PHKA2: variants seen among roughly 807,000 people sequenced by gnomAD.
PHKA2 encodes phosphorylase b kinase regulatory subunit alpha, liver isoform.
In PHKA2, 31 loss-of-function variants were observed where a neutral mutation model predicts 102.0. That is an observed-to-expected ratio of 0.30 (90% CI 0.23 to 0.41). The LOEUF is 0.41. PHKA2 is among the 10% of genes least tolerant of loss of function. The probability of loss-of-function intolerance (pLI) is 1.00; values close to 1 mark genes in which losing one functional copy is unlikely to be tolerated. For missense variants in PHKA2, 858 were observed against 1,023.1 expected, an observed-to-expected ratio of 0.84 and a Z score of 2.20; for synonymous variants, 455 against 416.2, an observed-to-expected ratio of 1.09 and a Z score of -1.13.
rs1224664060 is a variant in PHKA2 at position 18,936,332 on chromosome X, G to C, written c.1042-182C>G. Among the ~76,000 whole-genome samples, 3 of 111,965 alleles carry C rather than the reference G, an allele frequency of 2.7e-5. No individual in the cohort carries two copies. In the East Asian group the frequency reaches 8.4e-4, roughly 32 times the overall value. On this transcript the variant is annotated intron_variant, in intron 10 of 32. Transcript: ENST00000379942. ...AGGCACACTTACAGTGTTAGGAGGA[G>C]CTAAACACGATCGGCTATTCCTCTC...
chrX:18,895,321 G>A lies in PHKA2; in HGVS notation c.3283-130C>T, dbSNP rs1219690643. 5.2e-6 allele frequency: 3 copies of A among 580,996 alleles called. No homozygotes were observed. The African/African-American group carries it at 6.6e-5, about 13-fold the overall frequency. 47.9% of individuals were successfully genotyped at this position (580,996 alleles called of 1,213,427 possible). A position where few individuals can be genotyped will look rare whatever the true frequency, so the allele number is the denominator to read the frequency against. ...CCCATATGAGGGCTGGGACACGCCA[G>A]ACTGTCAGAGTTATTTTTAGAGAGC... On this transcript the variant is annotated intron_variant, in intron 30 of 32. Coordinates refer to ENST00000379942, the MANE Select transcript of PHKA2 (RefSeq NM_000292.3).
At chrX:18,929,178 T>C (rs757568394) in intron 13 of PHKA2, 50 bp downstream of exon 13, 11 of 848,507 alleles carry the variant, frequency 1.3e-5, no homozygotes, top group Non-Finnish European at 1.9e-5. Flanking sequence ...TGAATTAAAA[T>C]AACATTGGTT....
rs2047874759 is a variant in PHKA2, at chrX:18,908,942, T to C, written c.2227-8A>G. On this transcript the variant is annotated splice_region_variant and splice_polypyrimidine_tract_variant and intron_variant, in intron 20 of 32. Coordinates refer to ENST00000379942, the MANE Select transcript of PHKA2 (RefSeq NM_000292.3). ...AAAGTCACTTTCAGGAACCTGTTCATACAAGAGCCAGAAAGCAGGGAGATG... is the reference window on the plus strand; with the variant it reads ...AAAGTCACTTTCAGGAACCTGTTCACACAAGAGCCAGAAAGCAGGGAGATG... 8.3e-7 allele frequency: 1 copy of C among 1,209,080 alleles called. No homozygotes were observed. Among genetic ancestry groups the C allele is most frequent in the Non-Finnish European group, 1.1e-6 (1 of 894,502 alleles).
At chrX:18,935,973 G>A in intron 11 of PHKA2, 82 bp downstream of exon 11, 1 of 659,424 alleles carries the variant, frequency 1.5e-6, no homozygotes, top group South Asian at 2.3e-5. Context: ...TCGAAAAAGG[G>A]GATAAAGAAT....
At chrX:18,918,980 A>G in intron 18 of PHKA2, 126 bp from the exon 19 acceptor site, 1 of 564,144 alleles carries the variant, frequency 1.8e-6, no homozygotes, top group East Asian at 3.4e-5. Context: ...TGAGATATCG[A>G]TATTTGCACT....
intron 32 of PHKA2, 23 bp downstream of exon 32, chrX:18,894,181 A>T (rs768605257): frequency 8.4e-7 from 1 of 1,192,297 alleles, no homozygotes; most frequent in Non-Finnish European, 1.1e-6. Context: ...ATGCCAGCCA[A>T]CCCAGCTCCC....
chrX:18,893,783 G>T, intron 32 of PHKA2, 128 bp from the exon 33 acceptor site: 1 of 626,260 alleles, frequency 1.6e-6, no homozygotes, highest in Non-Finnish European at 2.6e-6. Flanking sequence ...TTGGCCTTCT[G>T]AGAGGCTCCA....
intron 1 of PHKA2, among the ~76,000 whole-genome samples, chrX:18,958,042 T>C (rs1327917633): frequency 6.3e-5 from 7 of 110,634 alleles, no homozygotes; most frequent in African/African-American, 9.9e-5. Flanking sequence ...GCATTTTTAG[T>C]AGAGACAGGG....
rs1260503987 is a variant in PHKA2 at position 18,929,239 on chromosome X, A to C, written c.1313T>G (p.Val438Gly). The C allele has an allele frequency of 8.7e-7, 1 of 1,155,118 alleles. No individual in the cohort carries two copies. The highest frequency in any genetic ancestry group is 1.9e-5 in the South Asian group (1 of 52,839). ...RRFSTSVKPD[V>G]VVQVTVLAEN... ...ACACGCTCACAAACCTTGTACTACA[A>C]CATCAGGTTTGACTGAAGTGGAAAA... is the stretch of plus-strand genomic sequence containing the variant. Residue 438 changes from valine (V) to glycine (G), a missense_variant, in exon 13 of 33, where the codon GTT (valine) becomes GGT (glycine). Physicochemically the swap from Val to Gly is moderately radical, Grantham distance 109. Transcript: ENST00000379942.
At chrX:18,917,260 CTTTT>C (rs745473312) in intron 19 of PHKA2, among the ~76,000 whole-genome samples, 2 of 96,490 alleles carry the variant, frequency 2.1e-5, no homozygotes, top group Admixed American at 1.1e-4. Context: ...AAAAAAATGT[CTTTT>C]TTTTTTTTTT....
chrX:18,918,273 A>T (rs2048053502), intron 19 of PHKA2, among the ~76,000 whole-genome samples: 1 of 112,571 alleles, frequency 8.9e-6, no homozygotes, highest in Admixed American at 9.4e-5. Context: ...TGGGAATATA[A>T]ACAGAGTATA....
Position 18,895,210 on chromosome X carries a change from G to A in PHKA2, c.3283-19C>T, listed in dbSNP as rs778805561. The A allele has an allele frequency of 1.6e-5, 19 of 1,201,433 alleles. No homozygotes were observed. Among genetic ancestry groups the A allele is most frequent in the African/African-American group, 3.5e-5 (2 of 57,594 alleles). ...CGTGGCACTGGAGGCAGAATAGAGC[G>A]CATTTCAGTCAGATTCCAGAATGGG... is the stretch of plus-strand genomic sequence containing the variant. On this transcript the variant is annotated intron_variant, in intron 30 of 32. Transcript: ENST00000379942.
intron 27 of PHKA2, 89 bp from the exon 28 acceptor site, chrX:18,900,788 C>G: frequency 1.2e-6 from 1 of 845,229 alleles, no homozygotes; most frequent in Non-Finnish European, 1.8e-6. Context: ...AATCCAGGGC[C>G]GTGTTGGTCA....
intron 1 of PHKA2, among the ~76,000 whole-genome samples, chrX:18,968,764 C>G (rs1175441724): frequency 8.9e-6 from 1 of 112,416 alleles, no homozygotes; most frequent in Non-Finnish European, 1.9e-5. Context: ...TATCAGGAAG[C>G]TTTAAGTCAA....
intron 11 of PHKA2, among the ~76,000 whole-genome samples, chrX:18,934,265 A>G (rs781637226): frequency 8.9e-6 from 1 of 112,462 alleles, no homozygotes; most frequent in African/African-American, 3.2e-5. Context: ...GGACACTTAG[A>G]AGGAACACAG....
chrX:18,975,967 C>CTTTTTTTT (rs200764030), intron 1 of PHKA2, among the ~76,000 whole-genome samples: 3 of 63,021 alleles, frequency 4.8e-5, no homozygotes, highest in African/African-American at 6.9e-5. Flanking sequence ...AAGTCAAATT[C>CTTTTTTTT]TTTTTTTTTT....
chrX:18,930,599 C>T (rs145185083), intron 12 of PHKA2, among the ~76,000 whole-genome samples: 1 of 110,934 alleles, frequency 9.0e-6, no homozygotes, highest in African/African-American at 3.3e-5. Flanking sequence ...ATGAGGAAAC[C>T]GAAGCCCAGA....
intron 1 of PHKA2, among the ~76,000 whole-genome samples, chrX:18,964,764 AAC>A (rs1308870923): frequency 8.9e-6 from 1 of 112,601 alleles, no homozygotes; most frequent in African/African-American, 3.2e-5. Context: ...TTGTATAAGT[AAC>A]AGTTTCTTTT....
chrX:18,937,240 C>T (rs763412982), intron 10 of PHKA2, among the ~76,000 whole-genome samples: 1 of 109,878 alleles, frequency 9.1e-6, no homozygotes, highest in Non-Finnish European at 1.9e-5. Context: ...GTAACCTGCA[C>T]AAAGACAGGT....
Sources: allele counts gnomAD v4.1 joint callset (sites outside exome capture counted in the v4.1 genomes callset), GRCh38; gene constraint gnomAD v4.1.1; transcripts MANE v1.5; gene names NCBI Gene and HGNC (gene_info 2026-07-23, HGNC 2026-07-21).